The following FER variants were observed in gnomAD, a reference collection of about 807,000 sequenced individuals.
FER encodes FER tyrosine kinase, also known as tyrosine-protein kinase Fer.
A neutral mutation model predicts 111.0 loss-of-function variants in FER; 63 were observed. The observed-to-expected ratio is 0.57, with a 90% CI of 0.46 to 0.70. FER has a LOEUF of 0.70. Among genes scored for constraint, FER ranks in the 30% least tolerant of loss-of-function variants. FER has a pLI of 0.00. For missense variants in FER, 914 were observed against 954.0 expected, an observed-to-expected ratio of 0.96 and a Z score of 0.55; for synonymous variants, 327 against 313.9, an observed-to-expected ratio of 1.04 and a Z score of -0.44.
intron 16 of FER, among the ~76,000 whole-genome samples, chr5:109,055,383 A>G (rs528589214): frequency 6.6e-6 from 1 of 152,362 alleles, no homozygotes; most frequent in African/African-American, 2.4e-5. Flanking sequence ...AGTAGCCTAC[A>G]GATTGTGAAA....
chr5:109,100,792 GTAC>G (rs1184844513), intron 17 of FER, among the ~76,000 whole-genome samples: 7 of 151,784 alleles, frequency 4.6e-5, no homozygotes, highest in African/African-American at 1.7e-4. Context: ...GACATGGAAT[GTAC>G]TACAATTTAG....
chr5:109,139,100 T>C (rs893529481), intron 17 of FER, among the ~76,000 whole-genome samples: 1 of 152,158 alleles, frequency 6.6e-6, no homozygotes, highest in Admixed American at 6.5e-5. Context: ...CAGAACAGTC[T>C]AGTTGAAATA....
intron 2 of FER, among the ~76,000 whole-genome samples, chr5:108,769,639 G>A (rs1183710280): frequency 1.3e-5 from 2 of 152,050 alleles, no homozygotes; most frequent in Admixed American, 6.6e-5. Flanking sequence ...ATGCATTTTT[G>A]TGTTTTTTTT....
chr5:108,793,959 G>A (rs1016716464), intron 2 of FER, among the ~76,000 whole-genome samples: 1 of 151,814 alleles, frequency 6.6e-6, no homozygotes, highest in Non-Finnish European at 1.5e-5. Flanking sequence ...TTAACTTATT[G>A]TTTCTATTCA....
At chr5:108,841,127 G>A (rs999385236) in intron 5 of FER, among the ~76,000 whole-genome samples, 4 of 152,138 alleles carry the variant, frequency 2.6e-5, no homozygotes, top group African/African-American at 9.7e-5. Flanking sequence ...CTCTTTTTAC[G>A]TTTAACTCTT....
At chr5:108,984,521 T>G (rs1436123722) in intron 13 of FER, among the ~76,000 whole-genome samples, 1 of 151,846 alleles carries the variant, frequency 6.6e-6, no homozygotes, top group Non-Finnish European at 1.5e-5. Flanking sequence ...AAATTATTCT[T>G]ATCCCAAACA....
intron 17 of FER, among the ~76,000 whole-genome samples, chr5:109,119,664 A>G (rs1020427423): frequency 6.6e-6 from 1 of 152,002 alleles, no homozygotes; most frequent in South Asian, 2.1e-4. Flanking sequence ...GTAGGTCTCT[A>G]AGGACTTGCT....
chr5:109,154,380 G>C (rs1228170854), intron 17 of FER, among the ~76,000 whole-genome samples: 1 of 151,898 alleles, frequency 6.6e-6, no homozygotes, highest in African/African-American at 2.4e-5. Flanking sequence ...TGAAAGCCTT[G>C]ATGAAATGAT....
intron 1 of FER, among the ~76,000 whole-genome samples, chr5:108,760,282 G>A (rs935728504): frequency 6.6e-6 from 1 of 151,882 alleles, no homozygotes; most frequent in Non-Finnish European, 1.5e-5. Flanking sequence ...CACAAGCAGA[G>A]TAGATTTAGT....
At chr5:108,964,836 T>A (rs1759594514) in intron 13 of FER, among the ~76,000 whole-genome samples, 1 of 152,142 alleles carries the variant, frequency 6.6e-6, no homozygotes, top group African/African-American at 2.4e-5. Flanking sequence ...ATGTTTTTAT[T>A]TCTAAGAACT....
At chr5:108,954,617 T>A (rs1758189516) in intron 11 of FER, 112 bp from the exon 12 acceptor site, 1 of 787,758 alleles carries the variant, frequency 1.3e-6, no homozygotes, top group Non-Finnish European at 1.9e-6. Flanking sequence ...TTTTAATTGG[T>A]CAATTAAAGG....
intron 19 of FER, among the ~76,000 whole-genome samples, chr5:109,186,654 A>C (rs775480971): frequency 6.6e-6 from 1 of 152,174 alleles, no homozygotes. Context: ...ACCTCCTTTT[A>C]AATAATATTC....
chr5:108,955,691 C>T (rs1319467327), intron 12 of FER, among the ~76,000 whole-genome samples: 1 of 151,748 alleles, frequency 6.6e-6, no homozygotes, highest in Admixed American at 6.6e-5. Context: ...AAATGGCCTG[C>T]ATTTTCAAGA....
intron 2 of FER, chr5:108,785,257 G>A (rs2009646): frequency 0.21 from 120,666 of 564,942 alleles, 14,079 homozygotes; most frequent in Middle Eastern, 0.36. Context: ...AGGCCATGCT[G>A]TGGGATCTCA....
chr5:108,795,394 C>CTTT (rs1380392302), intron 2 of FER, among the ~76,000 whole-genome samples: 1 of 114,648 alleles, frequency 8.7e-6, no homozygotes, highest in Non-Finnish European at 1.9e-5. Flanking sequence ...TTTTTGTTTT[C>CTTT]TTTTTTTTTT....
intron 17 of FER, among the ~76,000 whole-genome samples, chr5:109,166,746 T>C (rs1428220072): frequency 6.6e-6 from 1 of 152,146 alleles, no homozygotes; most frequent in Non-Finnish European, 1.5e-5. Flanking sequence ...GGCTGGAGAG[T>C]ATAACATACC....
chr5:108,804,596 A>G (rs546100954), intron 3 of FER, among the ~76,000 whole-genome samples: 87 of 152,214 alleles, frequency 5.7e-4, no homozygotes, highest in African/African-American at 1.6e-3. Flanking sequence ...AGATTATTAT[A>G]TGGTTTTGTT....
intron 3 of FER, among the ~76,000 whole-genome samples, chr5:108,799,568 C>T (rs1756406940): frequency 6.6e-6 from 1 of 152,122 alleles, no homozygotes; most frequent in African/African-American, 2.4e-5. Context: ...TACAGGACAC[C>T]ATTTGAATTT....
rs1381892766 is a variant in FER at position 109,196,736 on chromosome 5, T to A, written c.*9161T>A. The A allele has an allele frequency of 6.6e-6, 1 of 152,198 alleles. No individual in the cohort carries two copies. The highest frequency in any genetic ancestry group is 1.5e-5 in the Non-Finnish European group (1 of 68,034). 9.4% of individuals were successfully genotyped at this position (152,198 alleles called of 1,614,324 possible). A position where few individuals can be genotyped will look rare whatever the true frequency, so the allele number is the denominator to read the frequency against. ...GATTCATCATTTTTGTAAACTTAGA[T>A]CATTTTTTAATTGTCTTTTCTTTTC... On this transcript the variant is annotated 3_prime_UTR_variant, in exon 20 of 20. Coordinates refer to ENST00000281092, the MANE Select transcript of FER (RefSeq NM_005246.4).
Sources: allele counts gnomAD v4.1 joint callset (sites outside exome capture counted in the v4.1 genomes callset), GRCh38; gene constraint gnomAD v4.1.1; transcripts MANE v1.5; gene names NCBI Gene and HGNC (gene_info 2026-07-23, HGNC 2026-07-21).